The following ADAMTS5 variants were observed in gnomAD, a reference collection of about 807,000 sequenced individuals.
The protein encoded by ADAMTS5 is A disintegrin and metalloproteinase with thrombospondin motifs 5.
ADAMTS5 carries 54 observed loss-of-function variants against 81.4 expected under a neutral mutation model. The ratio of observed to expected loss-of-function variants is 0.66; its 90% CI spans 0.53 to 0.83. ADAMTS5 has a LOEUF of 0.83. ADAMTS5 is among the 40% of genes least tolerant of loss of function. ADAMTS5 has a pLI of 0.00. For synonymous variants in ADAMTS5, 532 were observed against 508.8 expected (o/e 1.05, Z -0.61); for missense variants, 1,194 against 1,229.9 (o/e 0.97, Z 0.44).
intron 1 of ADAMTS5, among the ~76,000 whole-genome samples, chr21:26,963,440 T>A (rs1987567934): frequency 6.6e-6 from 1 of 151,570 alleles, no homozygotes; most frequent in African/African-American, 2.4e-5. Context: ...TTATTTATTT[T>A]AAAATTATGA....
intron 2 of ADAMTS5, 37 bp from the exon 3 acceptor site, chr21:26,943,584 G>A: frequency 6.4e-7 from 1 of 1,573,144 alleles, no homozygotes; most frequent in Non-Finnish European, 8.7e-7. Flanking sequence ...AATAATCCGT[G>A]ATTGTGTATT....
chr21:26,954,664 G>T, intron 2 of ADAMTS5, 75 bp downstream of exon 2: 2 of 1,565,566 alleles, frequency 1.3e-6, no homozygotes, highest in African/African-American at 2.7e-5. Context: ...GGAATTAATT[G>T]CTAAGTATTT....
chr21:26,950,731 A>C (rs1307679615), intron 2 of ADAMTS5, among the ~76,000 whole-genome samples: 1 of 152,236 alleles, frequency 6.6e-6, no homozygotes, highest in African/African-American at 2.4e-5. Flanking sequence ...GAAAAGAGTA[A>C]GTTTTCATAA....
rs1279903837 is a variant in ADAMTS5 at position 26,965,461 on chromosome 21, T to C, written c.931A>G (p.Ile311Val). Residue 311 changes from isoleucine to valine, a missense_variant, in exon 1 of 8, where the codon ATC (isoleucine) becomes GTC (valine). Physicochemically the swap from Ile to Val is conservative, Grantham distance 29. This residue lies in a region of ADAMTS5 where 696 missense variants were observed against 817.6 expected (regional missense o/e 0.85). Coordinates refer to ENST00000284987, the MANE Select transcript of ADAMTS5 (RefSeq NM_007038.5). ...LYSHASIENH[I>V]RLAVVKVVVL... Reference sequence around the variant, plus strand: ...ACCACCTTCACCACGGCCAGGCGGATGTGGTTCTCGATGCTAGCATGGCTG... The same window carrying C: ...ACCACCTTCACCACGGCCAGGCGGACGTGGTTCTCGATGCTAGCATGGCTG... 1 of 1,614,130 alleles carries C rather than the reference T, an allele frequency of 6.2e-7. No homozygotes were observed.
In ADAMTS5 at chr21:26,919,227, G is replaced by A. The variant is rs200218285; in HGVS notation, c.*4826C>T. The A allele has an allele frequency of 3.9e-4, 54 of 140,042 alleles. No individual in the cohort carries two copies. The highest frequency in any genetic ancestry group is 9.5e-4 in the African/African-American group (37 of 38,832). 8.7% of individuals were successfully genotyped at this position (140,042 alleles called of 1,614,324 possible). On this transcript the variant is annotated 3_prime_UTR_variant, in exon 8 of 8. Transcript: ENST00000284987. ...AAAAAGCATGCCCTGTTTTTTATTT[G>A]TTTTTTTTTTTTTTCCTACAAATCA...
chr21:26,924,015 C>T lies in ADAMTS5; in HGVS notation c.*38G>A, dbSNP rs1183043205. The T allele has an allele frequency of 6.5e-7, 1 of 1,547,560 alleles. No individual in the cohort carries two copies. The highest frequency in any genetic ancestry group is 8.8e-7 in the Non-Finnish European group (1 of 1,142,086). Reference sequence around the variant, plus strand: ...CACCACGACTGCATCAGTGCTGAATCCTCCAGTTATCTTTGTGCATAAGAT... The same window carrying T: ...CACCACGACTGCATCAGTGCTGAATTCTCCAGTTATCTTTGTGCATAAGAT... On this transcript the variant is annotated 3_prime_UTR_variant, in exon 8 of 8. Coordinates refer to ENST00000284987, the MANE Select transcript of ADAMTS5 (RefSeq NM_007038.5).
At chr21:26,933,171 G>A in intron 4 of ADAMTS5, 127 bp from the exon 5 acceptor site, 1 of 984,050 alleles carries the variant, frequency 1.0e-6, no homozygotes, top group Admixed American at 2.9e-5. Flanking sequence ...TATTTTCACT[G>A]AATTTAACAT....
At chr21:26,941,785 T>C (rs1987118790) in intron 3 of ADAMTS5, among the ~76,000 whole-genome samples, 1 of 152,052 alleles carries the variant, frequency 6.6e-6, no homozygotes, top group Non-Finnish European at 1.5e-5. Context: ...AGAAAAGCAA[T>C]ATTATGCGTG....
chr21:26,948,173 C>A (rs1987251318), intron 2 of ADAMTS5, among the ~76,000 whole-genome samples: 1 of 152,202 alleles, frequency 6.6e-6, no homozygotes, highest in African/African-American at 2.4e-5. Context: ...GAAGACACAT[C>A]ACTTTAAAGG....
intron 2 of ADAMTS5, among the ~76,000 whole-genome samples, chr21:26,948,400 G>A (rs1987255595): frequency 6.6e-6 from 1 of 152,238 alleles, no homozygotes; most frequent in East Asian, 1.9e-4. Context: ...GCTCTGTAAT[G>A]TGTTTACTCG....
chr21:26,956,246 T>C (rs1987424683), intron 1 of ADAMTS5, among the ~76,000 whole-genome samples: 1 of 152,206 alleles, frequency 6.6e-6, no homozygotes, highest in Non-Finnish European at 1.5e-5. Flanking sequence ...AACTCAGCTG[T>C]ATTCTCTTCT....
Position 26,934,536 on chromosome 21 carries a change from G to A in ADAMTS5, c.1619C>T (p.Thr540Met), listed in dbSNP as rs747375312. 4.8e-5 allele frequency: 77 copies of A among 1,613,970 alleles called. No individual in the cohort carries two copies. The highest frequency in any genetic ancestry group is 5.8e-5 in the Non-Finnish European group (69 of 1,180,036). ...LTKKLPAVEG[T>M]PCGKGRICLQ... Reference sequence around the variant, plus strand: ...GCAGATTCTCCCCTTTCCACAAGGCGTCCCTTCCACCGCAGGCAGCTTCTT... The same window carrying A: ...GCAGATTCTCCCCTTTCCACAAGGCATCCCTTCCACCGCAGGCAGCTTCTT... The change falls in exon 4 of 8, where the codon ACG (threonine) becomes ATG (methionine). Residue 540 changes from threonine (T) to methionine (M), a missense_variant. Thr to Met is a moderately conservative substitution (Grantham distance 81). Transcript: ENST00000284987.
intron 3 of ADAMTS5, among the ~76,000 whole-genome samples, chr21:26,936,035 C>A (rs969117664): frequency 6.6e-6 from 1 of 152,168 alleles, no homozygotes; most frequent in Admixed American, 6.5e-5. Context: ...AGGAGGCAGA[C>A]CAGTTACCCA....
At chr21:26,943,000 T>C (rs1283448663) in intron 3 of ADAMTS5, among the ~76,000 whole-genome samples, 2 of 152,130 alleles carry the variant, frequency 1.3e-5, no homozygotes, top group Admixed American at 6.6e-5. Context: ...ATAATAGGCA[T>C]GTAACAAATA....
Position 26,924,238 on chromosome 21 carries a change from C to G in ADAMTS5, c.2608G>C (p.Val870Leu). 1.2e-6 allele frequency: 2 copies of G among 1,614,210 alleles called. No homozygotes were observed. Among genetic ancestry groups the G allele is most frequent in the South Asian group, 1.1e-5 (1 of 91,090 alleles). The change falls in exon 8 of 8, where the codon GTG becomes CTG. Residue 870 changes from valine to leucine, a missense_variant. Physicochemically the swap from Val to Leu is conservative, Grantham distance 32. Transcript: ENST00000284987. ...NSVTSHGSNK[V>L]GSHTSQPQWV... is the part of the protein sequence containing the mutation. The stretch of plus-strand genomic sequence containing the variant: ...TGCGGCTGCGAAGTGTGTGATCCCA[C>G]TTTATTGCTGCCATGACTAGTGACA...
intron 6 of ADAMTS5, among the ~76,000 whole-genome samples, chr21:26,931,213 A>C (rs1986900785): frequency 6.6e-6 from 1 of 151,728 alleles, no homozygotes; most frequent in Admixed American, 6.6e-5. Flanking sequence ...CGCCCAGCTA[A>C]TTTTTGTATT....
rs1044567238 is a variant in ADAMTS5, at chr21:26,965,537, C to T, written c.855G>A (p.Arg285=). ...ADASMARLYG[R]GLQHYLLTLA... ...GGGTCAGCAGGTAATGCTGCAGGCC[C>T]CGGCCATACAACCGCGCCATGGACG... The change falls in exon 1 of 8, where the codon CGG becomes CGA. Residue 285 remains arginine, a synonymous_variant. Transcript: ENST00000284987. 3.1e-6 allele frequency: 5 copies of T among 1,613,256 alleles called. No individual in the cohort carries two copies. In the African/African-American group the frequency reaches 6.7e-5, roughly 22 times the overall value.
chr21:26,963,296 T>A (rs540595061), intron 1 of ADAMTS5, among the ~76,000 whole-genome samples: 1 of 152,000 alleles, frequency 6.6e-6, no homozygotes, highest in South Asian at 2.1e-4. Context: ...CAGTTAACTA[T>A]CCAAACAAAA....
At chr21:26,935,365 A>G (rs533947121) in intron 3 of ADAMTS5, among the ~76,000 whole-genome samples, 113 of 152,336 alleles carry the variant, frequency 7.4e-4, no homozygotes, top group African/African-American at 2.5e-3. Flanking sequence ...TCTGAAATAC[A>G]GAAAAATGAC....
Sources: allele counts gnomAD v4.1 joint callset (sites outside exome capture counted in the v4.1 genomes callset), GRCh38; gene constraint gnomAD v4.1.1; regional missense constraint gnomAD v4.1.1; transcripts MANE v1.5; gene names NCBI Gene and HGNC (gene_info 2026-07-23, HGNC 2026-07-21).